ADARB2: variants seen among roughly 807,000 people sequenced by gnomAD.
ADARB2 encodes the protein inactive double-stranded RNA-specific editase B2.
A neutral mutation model predicts 62.2 loss-of-function variants in ADARB2; 25 were observed. The ratio of observed to expected loss-of-function variants is 0.40; its 90% CI spans 0.29 to 0.56. The LOEUF is 0.56. Ranked by LOEUF, ADARB2 falls within the 20% of genes least tolerant of loss-of-function variation. The pLI is 0.43. For missense variants in ADARB2, 1,071 were observed against 1,077.4 expected, an observed-to-expected ratio of 0.99 and a Z score of 0.08; for synonymous variants, 572 against 500.8, an observed-to-expected ratio of 1.14 and a Z score of -1.90.
chr10:1,674,655 C>T (rs1033746528), intron 1 of ADARB2, among the ~76,000 whole-genome samples: 2 of 152,164 alleles, frequency 1.3e-5, no homozygotes. Flanking sequence ...GCCTTTAGAT[C>T]ACCGTGTGAT....
At chr10:1,680,449 G>A (rs890955306) in intron 1 of ADARB2, among the ~76,000 whole-genome samples, 4 of 152,050 alleles carry the variant, frequency 2.6e-5, no homozygotes, top group Admixed American at 6.5e-5. Flanking sequence ...ACTGCTGATC[G>A]TCTTAGCCAG....
chr10:1,386,387 A>T (rs1211826193), intron 1 of ADARB2, among the ~76,000 whole-genome samples: 1 of 152,018 alleles, frequency 6.6e-6, no homozygotes, highest in Non-Finnish European at 1.5e-5. Context: ...AATTGTATTT[A>T]AAAAACAAAA....
chr10:1,655,966 G>C (rs1198025136), intron 1 of ADARB2, among the ~76,000 whole-genome samples: 3 of 152,218 alleles, frequency 2.0e-5, no homozygotes, highest in African/African-American at 7.2e-5. Flanking sequence ...TGTGTGAGGT[G>C]TGAGGTGTGC....
intron 1 of ADARB2, among the ~76,000 whole-genome samples, chr10:1,599,874 G>A (rs940435274): frequency 6.6e-6 from 1 of 152,068 alleles, no homozygotes; most frequent in East Asian, 1.9e-4. Context: ...AGCCTCCCAA[G>A]TAGCTAGGAC....
chr10:1,618,400 G>A (rs1229531056), intron 1 of ADARB2, among the ~76,000 whole-genome samples: 3 of 152,176 alleles, frequency 2.0e-5, no homozygotes, highest in Non-Finnish European at 4.4e-5. Context: ...TAAGATGAAT[G>A]AGAAGATTCT....
intron 3 of ADARB2, among the ~76,000 whole-genome samples, chr10:1,313,739 T>C (rs1831712718): frequency 6.6e-6 from 1 of 152,180 alleles, no homozygotes; most frequent in African/African-American, 2.4e-5. Context: ...CCATCCGAGT[T>C]AATCGAGGGG....
chr10:1,690,376 G>A (rs570458235), intron 1 of ADARB2, among the ~76,000 whole-genome samples: 6 of 152,326 alleles, frequency 3.9e-5, no homozygotes, highest in Admixed American at 3.3e-4. Flanking sequence ...GTGTGTGGGT[G>A]TAGAATTGCT....
intron 1 of ADARB2, among the ~76,000 whole-genome samples, chr10:1,581,841 T>A (rs1442576092): frequency 6.8e-6 from 1 of 146,858 alleles, no homozygotes; most frequent in Non-Finnish European, 1.5e-5. Context: ...TGTGTGTGTG[T>A]GTGTGTGTGT....
chr10:1,640,785 T>C (rs1408923296), intron 1 of ADARB2, among the ~76,000 whole-genome samples: 1 of 152,202 alleles, frequency 6.6e-6, no homozygotes, highest in African/African-American at 2.4e-5. Context: ...TTGAAAAATA[T>C]ATTAGTGAGA....
At chr10:1,361,570 GT>G (rs1832255765) in intron 3 of ADARB2, 1 of 146,350 alleles carries the variant, frequency 6.8e-6, no homozygotes, top group African/African-American at 2.4e-5. Context: ...GAAGGCAGGG[GT>G]GTGCCCTACC....
chr10:1,505,010 T>G (rs925245349), intron 1 of ADARB2, among the ~76,000 whole-genome samples: 1 of 149,180 alleles, frequency 6.7e-6, no homozygotes, highest in Admixed American at 6.7e-5. Flanking sequence ...GCACACATGA[T>G]GCACAAACAC....
chr10:1,216,942 G>T lies in ADARB2; in HGVS notation c.1682+9C>A, dbSNP rs1308001041. 3 of 1,604,510 alleles carry T rather than the reference G, an allele frequency of 1.9e-6. No individual in the cohort carries two copies. Among genetic ancestry groups the T allele is most frequent in the Middle Eastern group, 1.7e-4 (1 of 6,038 alleles). On this transcript the variant is annotated intron_variant, in intron 7 of 9. Coordinates refer to ENST00000381312, the MANE Select transcript of ADARB2 (RefSeq NM_018702.4). ...GCCAACATCCTCGAGAGGAAGCCGT[G>T]GGCCTCACCTGGCGATCTTGTCCGT...
chr10:1,690,814 C>T (rs1465134913), intron 1 of ADARB2, among the ~76,000 whole-genome samples: 1 of 152,220 alleles, frequency 6.6e-6, no homozygotes, highest in Non-Finnish European at 1.5e-5. Context: ...TGTCATTCGG[C>T]TTGGCCGGGT....
chr10:1,712,498 T>C (rs1241865740), intron 1 of ADARB2, among the ~76,000 whole-genome samples: 1 of 151,934 alleles, frequency 6.6e-6, no homozygotes, highest in Admixed American at 6.6e-5. Context: ...GCAGGCACAC[T>C]GTGTGTTCTC....
At chr10:1,496,248 T>C (rs894173904) in intron 1 of ADARB2, among the ~76,000 whole-genome samples, 2 of 152,020 alleles carry the variant, frequency 1.3e-5, no homozygotes, top group Admixed American at 1.3e-4. Context: ...ATCACCATCA[T>C]CATTGTCATC....
At chr10:1,607,882 C>T (rs1275460798) in intron 1 of ADARB2, among the ~76,000 whole-genome samples, 2 of 152,186 alleles carry the variant, frequency 1.3e-5, no homozygotes, top group African/African-American at 4.8e-5. Flanking sequence ...GGAAAAGTGG[C>T]TTCTAATAGG....
chr10:1,610,446 CA>C (rs1646033809), intron 1 of ADARB2, among the ~76,000 whole-genome samples: 1 of 152,246 alleles, frequency 6.6e-6, no homozygotes, highest in Non-Finnish European at 1.5e-5. Flanking sequence ...GGATAATTTT[CA>C]GTAACTAGCA....
chr10:1,262,528 A>G (rs1225466413), intron 4 of ADARB2, among the ~76,000 whole-genome samples: 6 of 151,180 alleles, frequency 4.0e-5, no homozygotes, highest in South Asian at 4.2e-4. Context: ...AAAAACACAC[A>G]AAAAAATGCT....
intron 6 of ADARB2, among the ~76,000 whole-genome samples, chr10:1,221,449 G>A (rs2131759012): frequency 6.6e-6 from 1 of 150,806 alleles, no homozygotes; most frequent in African/African-American, 2.4e-5. Context: ...TAAGTTTTAG[G>A]GTACATGTGC....
Sources: allele counts gnomAD v4.1 joint callset (sites outside exome capture counted in the v4.1 genomes callset), GRCh38; gene constraint gnomAD v4.1.1; transcripts MANE v1.5; gene names NCBI Gene and HGNC (gene_info 2026-07-23, HGNC 2026-07-21).